Variants in TNS1 observed in about 807,000 individuals in gnomAD.
The protein encoded by TNS1 is tensin-1.
In TNS1, 62 loss-of-function variants were observed where a neutral mutation model predicts 168.6. The observed-to-expected ratio is 0.37, with a 90% CI of 0.30 to 0.45. TNS1 has a LOEUF of 0.45. TNS1 is among the 20% of genes least tolerant of loss of function. TNS1 has a pLI of 1.00. For synonymous variants in TNS1, 934 were observed against 933.2 expected, an observed-to-expected ratio of 1.00 and a Z score of -0.02; for missense variants, 2,240 against 2,339.4, an observed-to-expected ratio of 0.96 and a Z score of 0.88.
At chr2:217,935,566 G>A (rs759594692) in intron 3 of TNS1, among the ~76,000 whole-genome samples, 1 of 152,188 alleles carries the variant, frequency 6.6e-6, no homozygotes, top group African/African-American at 2.4e-5. Context: ...CCACATGTGT[G>A]GTGGTGGAAG....
chr2:218,023,386 G>A (rs1418995551), intron 1 of TNS1, among the ~76,000 whole-genome samples: 1 of 152,182 alleles, frequency 6.6e-6, no homozygotes, highest in Non-Finnish European at 1.5e-5. Context: ...CTTCAGGGCT[G>A]CTGTGAGCAT....
At chr2:217,857,451 G>A (rs184267722) in intron 18 of TNS1, among the ~76,000 whole-genome samples, 6 of 152,292 alleles carry the variant, frequency 3.9e-5, no homozygotes, top group Admixed American at 6.5e-5. Context: ...GCATTGGAAG[G>A]TGGACTCTCC....
intron 18 of TNS1, among the ~76,000 whole-genome samples, chr2:217,854,836 G>T (rs1255613117): frequency 6.6e-6 from 1 of 152,200 alleles, no homozygotes; most frequent in Non-Finnish European, 1.5e-5. Flanking sequence ...GATGGCTCTG[G>T]AGAGGAGACA....
In TNS1 at chr2:217,821,751, G is replaced by A. The variant is rs776674446; in HGVS notation, c.3561C>T (p.Leu1187=). Residue 1187 remains leucine (L), a synonymous_variant, in exon 23 of 33, where the codon CTC becomes CTT. Coordinates refer to ENST00000682258, the MANE Select transcript of TNS1 (RefSeq NM_001387777.1). The stretch of plus-strand genomic sequence containing the variant: ...CCTTCCCGGCTTACCTGTCAGCACT[G>A]AGGATGGGGCTGCTGGTGGAGAGGG... ...PSPLSTSSPI[L]SADSTSVGSF... 2.7e-6 allele frequency: 4 copies of A among 1,479,308 alleles called. No homozygotes were observed. Among genetic ancestry groups the A allele is most frequent in the Admixed American group, 2.6e-5 (1 of 38,864 alleles). The allele number at this position is 1,479,308 out of a possible 1,614,324, so 91.6% of individuals were successfully genotyped here.
rs760906017 is a variant in TNS1, at chr2:217,848,919, T to C, written c.1598A>G (p.Asn533Ser). 49 of 1,613,702 alleles carry C rather than the reference T, an allele frequency of 3.0e-5. No individual in the cohort carries two copies. Among genetic ancestry groups the C allele is most frequent in the Non-Finnish European group, 4.0e-5 (47 of 1,179,936 alleles). ...GTCGGTCTTGGTGGAGGCTGTGGAG[T>C]TGCCCGAGTCGCTGCTCACAGAAAG... ...HTLSVSSDSGNSTASTKTDKT... is the reference protein window; with the variant it reads ...HTLSVSSDSGSSTASTKTDKT... Residue 533 changes from asparagine (N) to serine (S), a missense_variant, in exon 19 of 33, where the codon AAC becomes AGC. By Grantham distance (46) the Asn-to-Ser change is conservative. Coordinates refer to ENST00000682258, the MANE Select transcript of TNS1 (RefSeq NM_001387777.1).
In TNS1 at chr2:218,033,673, C is replaced by A. The variant is rs1305080360; in HGVS notation, c.156+147G>T. On this transcript the variant is annotated intron_variant, in intron 1 of 1. Transcript: ENST00000649572. This position sits in a 1 kb window ranked among gnomAD's most constrained non-coding sequence, Gnocchi z 4.3. The stretch of plus-strand genomic sequence containing the variant: ...TCACCCGGTCGTGGTCCTTCCTCCC[C>A]CTTGGTCCACCTGCCTTGCCGCACT... Among the ~76,000 whole-genome samples, 1 of 152,160 alleles carries A rather than the reference C, an allele frequency of 6.6e-6. No individual in the cohort carries two copies. Among genetic ancestry groups the A allele is most frequent in the Admixed American group, 6.5e-5 (1 of 15,274 alleles).
In TNS1 at chr2:217,885,112, C is replaced by T. The variant is rs762043344; in HGVS notation, c.1169G>A (p.Arg390His). The change falls in exon 16 of 33, where the codon CGT becomes CAT. Residue 390 changes from arginine (R) to histidine (H), a missense_variant. Around this residue, in one of 2 missense-constraint regions of TNS1, gnomAD observed 2,131 missense variants for 2,171.2 expected, o/e 0.98. Coordinates refer to ENST00000682258, the MANE Select transcript of TNS1 (RefSeq NM_001387777.1). ...FRSPARDVIF[R>H]VQFHTCAIHD... ...GATGGCACAGGTGTGGAACTGCACA[C>T]GGAAGATGACGTCTCGGGCTGGGCT... 21 of 1,614,244 alleles carry T rather than the reference C, an allele frequency of 1.3e-5. No homozygotes were observed. The East Asian group carries it at 3.3e-4, about 26-fold the overall frequency.
chr2:217,855,556 ATC>A (rs3838562), intron 18 of TNS1, among the ~76,000 whole-genome samples: 31 of 147,318 alleles, frequency 2.1e-4, no homozygotes, highest in East Asian at 8.1e-4. Flanking sequence ...AAGAGCCTTT[ATC>A]TCTCTCTCTC....
At chr2:217,931,287 G>A (rs1487490423) in intron 3 of TNS1, among the ~76,000 whole-genome samples, 2 of 152,144 alleles carry the variant, frequency 1.3e-5, no homozygotes, top group Non-Finnish European at 2.9e-5. Flanking sequence ...TTCCACCAAG[G>A]GTTTCTGTTT....
At position 218,008,131 on chromosome 2, in the gene TNS1, C is replaced by T. The variant is rs544578274; in HGVS notation, c.96+1969G>A. ...GCCTCACTCACACCCCTTCCCCTAC[C>T]GCCCCTTCCCCATCACCCTGGGCGG... On this transcript the variant is annotated intron_variant, in intron 1 of 32. Transcript: ENST00000646520. 2.1e-4 allele frequency among the ~76,000 whole-genome samples: 32 copies of T among 152,298 alleles called. No individual in the cohort carries two copies. The South Asian group carries it at 5.2e-3, about 25-fold the overall frequency.
Position 217,813,628 on chromosome 2 carries a change from G to T in TNS1, c.4861+57C>A. The T allele has an allele frequency of 6.4e-7, 1 of 1,551,246 alleles. No homozygotes were observed. The highest frequency in any genetic ancestry group is 8.7e-7 in the Non-Finnish European group (1 of 1,148,316). ...CCCTGGGTCCCTCCAGCACCTCCAG[G>T]TTTAGCGACTGTAAAGCTCACCTGG... On this transcript the variant is annotated intron_variant, in intron 26 of 32. Transcript: ENST00000682258. The surrounding 1 kb of genome is among the most constrained non-coding windows in gnomAD (Gnocchi z 4.0).
At chr2:217,934,139 G>A (rs985180929) in intron 3 of TNS1, among the ~76,000 whole-genome samples, 2 of 152,154 alleles carry the variant, frequency 1.3e-5, no homozygotes, top group South Asian at 4.1e-4. Flanking sequence ...GGTTGAGCTG[G>A]GACTCAAACC....
At position 217,949,707 on chromosome 2, in the gene TNS1, T is replaced by C. The variant is rs574907458; in HGVS notation, c.186+29058A>G. Among the ~76,000 whole-genome samples, 15 of 150,768 alleles carry C rather than the reference T, an allele frequency of 9.9e-5. No homozygotes were observed. The South Asian group carries it at 2.9e-3, about 30-fold the overall frequency. On this transcript the variant is annotated intron_variant, in intron 3 of 32. Transcript: ENST00000682258. ...CTTATCAGTAACTTAGGTTACAACTTAGAAGGGAGGCTTACCAAGCACACC... is the reference window on the plus strand; with the variant it reads ...CTTATCAGTAACTTAGGTTACAACTCAGAAGGGAGGCTTACCAAGCACACC...
At position 217,848,349 on chromosome 2, in the gene TNS1, G is replaced by T; in HGVS notation, c.2168C>A (p.Pro723Gln). ...LAGYQREGPH[P>Q]AWPQPVTTSH... ...GGTGGTCACTGGCTGTGGCCAGGCT[G>T]GGTGGGGCCCCTCCCTCTGGTAGCC... The change falls in exon 19 of 33, where the codon CCA becomes CAA. Residue 723 changes from proline to glutamine, a missense_variant. Pro to Gln is a moderately conservative substitution (Grantham distance 76). Coordinates refer to ENST00000682258, the MANE Select transcript of TNS1 (RefSeq NM_001387777.1). 6.5e-7 allele frequency: 1 copy of T among 1,541,520 alleles called. No homozygotes were observed. The highest frequency in any genetic ancestry group is 1.3e-5 in the South Asian group (1 of 79,190).
intron 18 of TNS1, chr2:217,879,166 C>A: frequency 3.7e-6 from 1 of 268,982 alleles, no homozygotes. Flanking sequence ...CCGTCTTTCC[C>A]ACATCTCCTC....
At chr2:217,891,928 G>T (rs981047178) in intron 11 of TNS1, among the ~76,000 whole-genome samples, 2 of 152,128 alleles carry the variant, frequency 1.3e-5, no homozygotes, top group African/African-American at 4.8e-5. Context: ...CCATGGACCT[G>T]CCTCGCCACT....
At chr2:217,944,821 T>C (rs572960452) in intron 3 of TNS1, among the ~76,000 whole-genome samples, 2 of 152,334 alleles carry the variant, frequency 1.3e-5, no homozygotes, top group Admixed American at 6.5e-5. Context: ...ATTTCAACTT[T>C]TGTACATGCA....
chr2:218,022,664 C>T (rs1411513250), intron 1 of TNS1, among the ~76,000 whole-genome samples: 1 of 151,494 alleles, frequency 6.6e-6, no homozygotes, highest in South Asian at 2.1e-4. Flanking sequence ...GGGGGAGGGG[C>T]AGAGGGGAGC....
intron 6 of TNS1, chr2:217,905,175 G>C: frequency 3.9e-6 from 1 of 259,372 alleles, no homozygotes; most frequent in South Asian, 3.6e-5. Context: ...GTACATCCTT[G>C]GTAGTAGGTA....
Sources: allele counts gnomAD v4.1 joint callset (sites outside exome capture counted in the v4.1 genomes callset), GRCh38; gene constraint gnomAD v4.1.1; regional missense constraint gnomAD v4.1.1; non-coding constraint Gnocchi (gnomAD v3.1); transcripts MANE v1.5; gene names NCBI Gene and HGNC (gene_info 2026-07-23, HGNC 2026-07-21).